Variants in EOLA1 observed in about 807,000 individuals in gnomAD.
The protein encoded by EOLA1 is endothelium and lymphocyte associated ASCH domain 1, also known as protein EOLA1.
Under a neutral mutation model 4.5 loss-of-function variants are expected in EOLA1, and 1 was observed. The observed-to-expected ratio is 0.22, with a 90% confidence interval of 0.08 to 1.05. The LOEUF is 1.05. Among genes scored for constraint, EOLA1 ranks in the 50% least tolerant of loss-of-function variants. The probability of loss-of-function intolerance (pLI) is 0.57; values close to 1 mark genes in which losing one functional copy is unlikely to be tolerated. For missense variants in EOLA1, 69 were observed against 127.2 expected, an observed-to-expected ratio of 0.54 and a Z score of 2.20; for synonymous variants, 37 against 52.3, an observed-to-expected ratio of 0.71 and a Z score of 1.26.
At chrX:149,544,275 G>C (rs1272258268) in intron 2 of EOLA1, among the ~76,000 whole-genome samples, 1 of 69,558 alleles carries the variant, frequency 1.4e-5, no homozygotes, top group East Asian at 4.1e-4. Flanking sequence ...AGGAGATCTG[G>C]AGCTCAGAAG....
chrX:149,543,685 A>G (rs2089775492), intron 2 of EOLA1, among the ~76,000 whole-genome samples: 1 of 88,872 alleles, frequency 1.1e-5, no homozygotes, highest in Non-Finnish European at 2.3e-5. Context: ...CTGGGGCAGG[A>G]ACGCTGTAGC....
At chrX:149,544,677 G>C in intron 2 of EOLA1, 6 of 753,372 alleles carry the variant, frequency 8.0e-6, no homozygotes, top group Non-Finnish European at 9.4e-6. Flanking sequence ...CTCCATGCAA[G>C]AGGAGGGGAC....
downstream of EOLA1, chrX:149,548,342 G>T: frequency 2.1e-6 from 2 of 932,988 alleles, no homozygotes; most frequent in Non-Finnish European, 2.7e-6. Context: ...CGAATTTGCA[G>T]TGTTTCTGAA....
chrX:149,548,415 G>A, downstream of EOLA1: 1 of 933,747 alleles, frequency 1.1e-6, no homozygotes, highest in Non-Finnish European at 1.3e-6. Context: ...TCGTCAGAGG[G>A]CTCATTTGGA....
chrX:149,543,758 G>A (rs2124133735), intron 2 of EOLA1, among the ~76,000 whole-genome samples: 1 of 88,853 alleles, frequency 1.1e-5, no homozygotes, highest in East Asian at 3.0e-4. Flanking sequence ...GGGGTCCTGA[G>A]TATGTACGGG....
chrX:149,544,555 G>C, intron 2 of EOLA1: 2 of 751,478 alleles, frequency 2.7e-6, no homozygotes, highest in Non-Finnish European at 3.1e-6. Flanking sequence ...TGCTCTTGGT[G>C]CCTTATCTCC....
chrX:149,545,662 C>T lies in EOLA1; in HGVS notation c.32C>T (p.Pro11Leu). Residue 11 changes from proline to leucine, a missense_variant, in exon 4 of 5, where the codon CCT becomes CTT. Pro to Leu is a moderately conservative substitution (Grantham distance 98). Transcript: ENST00000393985. MKFGCLSFRQPYAGFVLNGIK... is the reference protein window; with the variant it reads MKFGCLSFRQLYAGFVLNGIK... ...TTTGGCTGCCTCTCCTTCCGGCAGC[C>T]TTATGCTGGCTTTGTCTTAAATGGA... 1 of 1,210,491 alleles carries T rather than the reference C, an allele frequency of 8.3e-7. No homozygotes were observed. The highest frequency in any genetic ancestry group is 1.1e-6 in the Non-Finnish European group (1 of 894,229).
chrX:149,544,445 C>T, intron 2 of EOLA1: 2 of 660,398 alleles, frequency 3.0e-6, no homozygotes, highest in Non-Finnish European at 3.6e-6. Context: ...AGGGGCAGCT[C>T]AAGGGTGGAG....
upstream of EOLA1, chrX:149,540,981 G>A (rs2089717597): frequency 8.8e-6 from 1 of 113,213 alleles, no homozygotes; most frequent in Non-Finnish European, 1.9e-5. Flanking sequence ...TACGTTCTTC[G>A]TGAAAGGGAT....
chrX:149,553,769 GA>G (rs2089913516), downstream of EOLA1, among the ~76,000 whole-genome samples: 1 of 101,899 alleles, frequency 9.8e-6, no homozygotes, highest in Non-Finnish European at 2.0e-5. Context: ...CTCCACATTA[GA>G]ACAGTGATAA....
intron 1 of EOLA1, chrX:149,541,691 C>T: frequency 1.7e-6 from 1 of 602,660 alleles, no homozygotes; most frequent in Non-Finnish European, 2.0e-6. Flanking sequence ...ACACTCGCCC[C>T]GTGACAATGG....
Position 149,546,944 on chromosome X carries a change from T to A in EOLA1, c.459T>A (p.Pro153=), listed in dbSNP as rs12116111. The A allele has an allele frequency of 8.3e-3, 9,944 of 1,202,631 alleles. 531 individuals carry two copies. In the African/African-American group the frequency reaches 0.15, roughly 19 times the overall value. ...FQVDIPEHLI[P]LGHEV ...TAGACATCCCAGAGCACCTGATCCC[T>A]TTGGGGCATGAAGTGTGACAAGTGT... The change falls in exon 5 of 5, where the codon CCT becomes CCA. Residue 153 remains proline (P), a synonymous_variant. Transcript: ENST00000393985.
At chrX:149,545,101 C>G in intron 2 of EOLA1, 1 of 632,522 alleles carries the variant, frequency 1.6e-6, no homozygotes, top group South Asian at 7.8e-5. Context: ...GATGTGGGCT[C>G]AGCAGCCCTG....
At position 149,545,606 on chromosome X, in the gene EOLA1, C is replaced by A; in HGVS notation, c.-25C>A. The A allele has an allele frequency of 5.8e-6, 7 of 1,199,750 alleles. No homozygotes were observed. The highest frequency in any genetic ancestry group is 7.9e-6 in the Non-Finnish European group (7 of 886,667). On this transcript the variant is annotated 5_prime_UTR_variant, in exon 4 of 5. Coordinates refer to ENST00000393985, the MANE Select transcript of EOLA1 (RefSeq NM_001171907.3). ...TGCGCTTCTGTGCTTCCGCAGGCTA[C>A]GGGAGGCCCGGGGCGCTTGCGAAGA... is the stretch of plus-strand genomic sequence containing the variant.
chrX:149,548,430 T>A, downstream of EOLA1: 10 of 933,742 alleles, frequency 1.1e-5, no homozygotes, highest in Non-Finnish European at 1.3e-5. Context: ...TTTGGAGACA[T>A]GACTGAGAGG....
intron 4 of EOLA1, among the ~76,000 whole-genome samples, 164 bp downstream of exon 4, chrX:149,546,047 GGGTT>G (rs2089838020): frequency 9.1e-6 from 1 of 109,596 alleles, no homozygotes; most frequent in Admixed American, 9.6e-5. Context: ...CTTGGGCTGG[GGGTT>G]GGTATGGCTG....
Position 149,548,087 on chromosome X carries a change from C to T in EOLA1, c.*1125C>T, listed in dbSNP as rs1255927351. ...CTTTGCTGAGTGTGTGAAAATGCTG[C>T]TTCTCCAAATAAACAAGGACAATGG... is the stretch of plus-strand genomic sequence containing the variant. On this transcript the variant is annotated 3_prime_UTR_variant, in exon 5 of 5. Coordinates refer to ENST00000393985, the MANE Select transcript of EOLA1 (RefSeq NM_001171907.3). 3 of 170,810 alleles carry T rather than the reference C, an allele frequency of 1.8e-5. No individual in the cohort carries two copies. The highest frequency in any genetic ancestry group is 3.1e-5 in the Non-Finnish European group (3 of 95,350). The allele number at this position is 170,810 out of a possible 1,213,427, so 14.1% of individuals were successfully genotyped here.
chrX:149,544,790 G>C (rs1346140827), intron 2 of EOLA1: 1 of 735,387 alleles, frequency 1.4e-6, no homozygotes, highest in Admixed American at 8.7e-5. Context: ...CATAGAGTGG[G>C]CCTCACAGTA....
At chrX:149,549,126 G>A (rs1320091329), downstream of EOLA1, among the ~76,000 whole-genome samples, 2 of 111,644 alleles carry the variant, frequency 1.8e-5, no homozygotes, top group African/African-American at 3.3e-5. Context: ...CTGCAACCCC[G>A]TAGAGGTAAT....
Sources: allele counts gnomAD v4.1 joint callset (sites outside exome capture counted in the v4.1 genomes callset), GRCh38; gene constraint gnomAD v4.1.1; transcripts MANE v1.5; gene names NCBI Gene and HGNC (gene_info 2026-07-23, HGNC 2026-07-21).